The following CHCHD6 variants were observed in gnomAD, a reference collection of about 807,000 sequenced individuals.
CHCHD6 encodes the protein coiled-coil-helix-coiled-coil-helix domain containing 6, also known as MICOS complex subunit MIC25.
In CHCHD6, 28 loss-of-function variants were observed where a neutral mutation model predicts 32.3. The observed-to-expected ratio is 0.87, with a 90% confidence interval of 0.64 to 1.19. The LOEUF is 1.19. Among genes scored for constraint, CHCHD6 ranks in the 50% most tolerant of loss-of-function variants. The pLI, the probability that CHCHD6 is intolerant of heterozygous loss-of-function variation, is 0.00. For missense variants in CHCHD6, 333 were observed against 307.0 expected (o/e 1.08, Z -0.63); for synonymous variants, 122 against 117.5 (o/e 1.04, Z -0.25).
intron 4 of CHCHD6, among the ~76,000 whole-genome samples, chr3:126,835,062 C>T (rs1226679693): frequency 6.6e-6 from 1 of 152,126 alleles, no homozygotes; most frequent in Non-Finnish European, 1.5e-5. Context: ...AGAGAAGTAG[C>T]CCGGGTGGGA....
At chr3:126,819,304 G>T (rs1940053480) in intron 4 of CHCHD6, among the ~76,000 whole-genome samples, 1 of 152,208 alleles carries the variant, frequency 6.6e-6, no homozygotes, top group African/African-American at 2.4e-5. Context: ...AGATTGGTAT[G>T]TGGGACTTAT....
chr3:126,888,783 T>G (rs2107576712), intron 5 of CHCHD6, among the ~76,000 whole-genome samples: 1 of 152,276 alleles, frequency 6.6e-6, no homozygotes, highest in East Asian at 1.9e-4. Flanking sequence ...CGTTTTCCCG[T>G]GGCCACATTT....
intron 5 of CHCHD6, among the ~76,000 whole-genome samples, chr3:126,909,129 C>T (rs1020709318): frequency 2.0e-5 from 3 of 152,234 alleles, no homozygotes; most frequent in East Asian, 1.9e-4. Context: ...CACCGTAGGC[C>T]GTGAATGACT....
chr3:126,736,903 G>A (rs1488869548), intron 4 of CHCHD6, among the ~76,000 whole-genome samples: 1 of 152,178 alleles, frequency 6.6e-6, no homozygotes, highest in African/African-American at 2.4e-5. Flanking sequence ...AAAATCAAAT[G>A]GATGGAGTAA....
At chr3:126,786,916 T>C (rs966784181) in intron 4 of CHCHD6, among the ~76,000 whole-genome samples, 9 of 152,244 alleles carry the variant, frequency 5.9e-5, no homozygotes, top group African/African-American at 2.2e-4. Context: ...ATGTCCTGAA[T>C]GGTATTGCCT....
intron 4 of CHCHD6, among the ~76,000 whole-genome samples, chr3:126,838,892 C>CTTT (rs1217788517): frequency 3.6e-5 from 5 of 139,578 alleles, no homozygotes; most frequent in Non-Finnish European, 6.3e-5. Flanking sequence ...TTCTTTTTTC[C>CTTT]TTTTTTTTTT....
chr3:126,826,598 C>T (rs368324221), intron 4 of CHCHD6, among the ~76,000 whole-genome samples: 15 of 151,960 alleles, frequency 9.9e-5, no homozygotes, highest in African/African-American at 3.1e-4. Context: ...CTTGTAATGG[C>T]GGCAGAAGGA....
At position 126,777,322 on chromosome 3, in the gene CHCHD6, C is replaced by T. The variant is rs139371008; in HGVS notation, c.411+44100C>T. Among the ~76,000 whole-genome samples the T allele has an allele frequency of 1.4e-3, 207 of 152,280 alleles. No individual in the cohort carries two copies. In the Middle Eastern group the frequency reaches 0.02, roughly 15 times the overall value. ...ACTGGTTAGGTTTGGGTTTGCAGTT[C>T]AGTACACTCAGTTTTTTTCTTCTAC... is the stretch of plus-strand genomic sequence containing the variant. On this transcript the variant is annotated intron_variant, in intron 4 of 7. Transcript: ENST00000290913.
At chr3:126,767,403 G>A (rs140410260) in intron 4 of CHCHD6, 3 of 743,388 alleles carry the variant, frequency 4.0e-6, no homozygotes, top group Admixed American at 1.8e-5. Context: ...ATGAGTCTGG[G>A]GGCTCCTACT....
chr3:126,792,932 A>T (rs905120544), intron 4 of CHCHD6, among the ~76,000 whole-genome samples: 2 of 152,156 alleles, frequency 1.3e-5, no homozygotes, highest in Non-Finnish European at 2.9e-5. Flanking sequence ...TGTTTGGTGC[A>T]TACGCATTAA....
intron 5 of CHCHD6, among the ~76,000 whole-genome samples, chr3:126,888,034 CG>C (rs753972904): frequency 1.3e-5 from 2 of 152,136 alleles, no homozygotes; most frequent in East Asian, 3.9e-4. Context: ...TATATGTGAG[CG>C]GGGGGCTGCT....
intron 1 of CHCHD6, among the ~76,000 whole-genome samples, chr3:126,704,765 C>T (rs903879518): frequency 2.0e-5 from 3 of 152,144 alleles, no homozygotes; most frequent in African/African-American, 7.2e-5. Context: ...TCTGGGTACG[C>T]GGTGTCTCCC....
At chr3:126,953,128 C>T (rs2078738618) in intron 6 of CHCHD6, 1 of 985,442 alleles carries the variant, frequency 1.0e-6, no homozygotes, top group Middle Eastern at 5.2e-4. Context: ...GGTCCTCCCC[C>T]ATACCTGATG....
chr3:126,753,254 G>A (rs750200723), intron 4 of CHCHD6, among the ~76,000 whole-genome samples: 5 of 152,282 alleles, frequency 3.3e-5, no homozygotes, highest in Middle Eastern at 3.4e-3. Flanking sequence ...ACTTCCCATG[G>A]CAAGCAGCCG....
At chr3:126,903,358 A>G (rs1189321186) in intron 5 of CHCHD6, among the ~76,000 whole-genome samples, 2 of 152,076 alleles carry the variant, frequency 1.3e-5, no homozygotes, top group Non-Finnish European at 2.9e-5. Flanking sequence ...TTAACCCTGG[A>G]ATTCCCTCCC....
chr3:126,836,967 G>C (rs1476320139), intron 4 of CHCHD6, among the ~76,000 whole-genome samples: 1 of 152,206 alleles, frequency 6.6e-6, no homozygotes, highest in Non-Finnish European at 1.5e-5. Flanking sequence ...AAGCTCCCTT[G>C]TGGTTAATTG....
intron 6 of CHCHD6, among the ~76,000 whole-genome samples, chr3:126,936,386 TG>T (rs1167147671): frequency 1.3e-5 from 2 of 152,224 alleles, no homozygotes; most frequent in African/African-American, 2.4e-5. Flanking sequence ...TGGCCACATA[TG>T]GCTATTGAAG....
chr3:126,866,821 G>A (rs917914588), intron 5 of CHCHD6, among the ~76,000 whole-genome samples: 7 of 152,002 alleles, frequency 4.6e-5, no homozygotes, highest in Non-Finnish European at 7.4e-5. Context: ...TTCCCCCTAC[G>A]TACTTCAATA....
chr3:126,815,934 C>T (rs1049686013), intron 4 of CHCHD6, among the ~76,000 whole-genome samples: 9 of 152,208 alleles, frequency 5.9e-5, no homozygotes, highest in African/African-American at 2.2e-4. Flanking sequence ...AGCTTCATCC[C>T]TCTGTGCTTT....
Sources: gnomAD v4.1 joint callset for allele counts (sites outside exome capture counted in the v4.1 genomes callset) on GRCh38, gnomAD v4.1.1 for gene constraint, MANE v1.5 for transcripts, NCBI Gene and HGNC (gene_info 2026-07-23, HGNC 2026-07-21) for gene names.